SRCAP: variants seen among roughly 807,000 people sequenced by gnomAD.
The protein encoded by SRCAP is Snf2 related CREBBP activator protein.
SRCAP carries 46 observed loss-of-function variants against 263.1 expected under a neutral mutation model. That is an observed-to-expected ratio of 0.17 (90% CI 0.14 to 0.22). The LOEUF is 0.22. Among genes scored for constraint, SRCAP ranks in the 10% least tolerant of loss-of-function variants. SRCAP has a pLI of 1.00. For synonymous variants in SRCAP, 1,813 were observed against 1,662.1 expected (o/e 1.09, Z -2.21); for missense variants, 3,695 against 4,181.9 (o/e 0.88, Z 3.21).
At chr16:30,726,546 A>T (rs1260410584) in intron 25 of SRCAP, among the ~76,000 whole-genome samples, 5 of 147,110 alleles carry the variant, frequency 3.4e-5, no homozygotes, top group Non-Finnish European at 6.0e-5. Context: ...TTTGAGAAGG[A>T]GTCTTGCTCT....
At chr16:30,732,004 G>C (rs924212264) in intron 27 of SRCAP, among the ~76,000 whole-genome samples, 6 of 151,548 alleles carry the variant, frequency 4.0e-5, no homozygotes, top group Non-Finnish European at 7.4e-5. Context: ...AATTAGCCAG[G>C]CGTGGTGACA....
At chr16:30,701,296 G>T (rs2052763423) in intron 3 of SRCAP, 1 of 154,508 alleles carries the variant, frequency 6.5e-6, no homozygotes, top group African/African-American at 2.4e-5. Flanking sequence ...ATCTAGGTGT[G>T]TGTACAGTCA....
At chr16:30,725,310 C>A in intron 25 of SRCAP, 1 of 809,950 alleles carries the variant, frequency 1.2e-6, no homozygotes, top group Non-Finnish European at 1.8e-6. Flanking sequence ...GGTGAGCCAC[C>A]ACGCCCGGCC....
intron 6 of SRCAP, among the ~76,000 whole-genome samples, 158 bp downstream of exon 6, chr16:30,707,870 A>G (rs1283190334): frequency 6.6e-6 from 1 of 152,192 alleles, no homozygotes; most frequent in African/African-American, 2.4e-5. Flanking sequence ...GTGGCAAAAT[A>G]TGGGTCCTGC....
chr16:30,738,252 C>T lies in SRCAP; in HGVS notation c.8212C>T (p.Pro2738Ser). 2 of 1,612,238 alleles carry T rather than the reference C, an allele frequency of 1.2e-6. No individual in the cohort carries two copies. Among genetic ancestry groups the T allele is most frequent in the South Asian group, 1.1e-5 (1 of 90,842 alleles). ...AATTAGGGGTCAAGGGACTGGTCGG[C>T]CAGGACAACCACCAGGCCCCAAAGT... ...VEIRGQGTGR[P>S]GQPPGPKVLR... The change falls in exon 34 of 34, where the codon CCA (proline) becomes TCA (serine). Residue 2738 changes from proline to serine, a missense_variant. Physicochemically the swap from Pro to Ser is moderately conservative, Grantham distance 74. Around this residue, in one of 12 missense-constraint regions of SRCAP, gnomAD observed 1,207 missense variants for 1,142.9 expected, o/e 1.06. Coordinates refer to ENST00000262518, the MANE Select transcript of SRCAP (RefSeq NM_006662.3).
rs773153530 is a variant in SRCAP, at chr16:30,709,692, T to A, written c.813T>A (p.Ala271=). Residue 271 remains alanine, a synonymous_variant, in exon 7 of 34, where the codon GCT becomes GCA. Coordinates refer to ENST00000262518, the MANE Select transcript of SRCAP (RefSeq NM_006662.3). ...CCCCTTGCCTCGGCTCTTCCTCAGC[T>A]GCCTCCAGTCCTCCACCCCCTGCTT... ...GSSPCLGSSS[A]ASSPPPPASR... The A allele has an allele frequency of 5.6e-6, 9 of 1,614,188 alleles. No homozygotes were observed. The highest frequency in any genetic ancestry group is 1.1e-5 in the South Asian group (1 of 91,080).
At position 30,707,310 on chromosome 16, in the gene SRCAP, A is replaced by G. The variant is rs777314994; in HGVS notation, c.434A>G (p.Gln145Arg). Residue 145 changes from glutamine (Q) to arginine (R), a missense_variant, in exon 5 of 34, where the codon CAG (glutamine) becomes CGG (arginine). Gln to Arg is a conservative substitution (Grantham distance 43). Coordinates refer to ENST00000262518, the MANE Select transcript of SRCAP (RefSeq NM_006662.3). The stretch of plus-strand genomic sequence containing the variant: ...TGGGACTATTTGTGCGAAGAGATGC[A>G]GTGGCTCTCTGCTGACTTTGCTCAG... ...GHWDYLCEEM[Q>R]WLSADFAQER... 1 of 1,614,208 alleles carries G rather than the reference A, an allele frequency of 6.2e-7. No individual in the cohort carries two copies. The highest frequency in any genetic ancestry group is 8.5e-7 in the Non-Finnish European group (1 of 1,180,038).
chr16:30,739,515 C>A lies in SRCAP; in HGVS notation c.9475C>A (p.Pro3159Thr), dbSNP rs938236292. ...GCTGGCAAAGCGGGGCCGCCTACAG[C>A]CCCCAAGTCCCCTGGGGCCTGAGGG... ...PGLAKRGRLQ[P>T]PSPLGPEGSV... is the part of the protein sequence containing the mutation. The change falls in exon 34 of 34, where the codon CCC (proline) becomes ACC (threonine). Residue 3159 changes from proline (P) to threonine (T), a missense_variant. Pro to Thr is a conservative substitution (Grantham distance 38). Transcript: ENST00000262518. The A allele has an allele frequency of 6.2e-7, 1 of 1,612,336 alleles. No homozygotes were observed. Among genetic ancestry groups the A allele is most frequent in the Non-Finnish European group, 8.5e-7 (1 of 1,179,308 alleles).
At chr16:30,718,593 T>C (rs1286212337) in intron 18 of SRCAP, among the ~76,000 whole-genome samples, 2 of 151,456 alleles carry the variant, frequency 1.3e-5, no homozygotes, top group Non-Finnish European at 2.9e-5. Context: ...CCTGCCTCAC[T>C]CCCAAGTAAC....
chr16:30,714,375 A>G (rs1362980033), intron 16 of SRCAP, among the ~76,000 whole-genome samples: 2 of 149,740 alleles, frequency 1.3e-5, no homozygotes, highest in Non-Finnish European at 3.0e-5. Context: ...ACGCCCGGCT[A>G]ATTTTTTGTA....
chr16:30,715,383 G>A (rs2052937464), intron 16 of SRCAP, among the ~76,000 whole-genome samples: 1 of 151,404 alleles, frequency 6.6e-6, no homozygotes, highest in Non-Finnish European at 1.5e-5. Flanking sequence ...GGCTAAAATG[G>A]TGAAACCCCG....
At chr16:30,704,357 T>C in intron 4 of SRCAP, 42 bp downstream of exon 4, 1 of 1,539,464 alleles carries the variant, frequency 6.5e-7, no homozygotes, top group Non-Finnish European at 8.8e-7. Flanking sequence ...GGGAGTTATC[T>C]TCCGTAAACT....
At position 30,733,592 on chromosome 16, in the gene SRCAP, T is replaced by C; in HGVS notation, c.6298-10T>C. The C allele has an allele frequency of 6.2e-7, 1 of 1,607,608 alleles. No homozygotes were observed. On this transcript the variant is annotated splice_polypyrimidine_tract_variant and intron_variant, in intron 28 of 33. Transcript: ENST00000262518. This position sits in a 1 kb window ranked among gnomAD's most constrained non-coding sequence, Gnocchi z 5.3. ...CTCCCAGTATCATCTTTTTTTCCCTTTCCTTCTAGGCCTTGATGGAACGGT... is the reference window on the plus strand; with the variant it reads ...CTCCCAGTATCATCTTTTTTTCCCTCTCCTTCTAGGCCTTGATGGAACGGT...
At position 30,724,664 on chromosome 16, in the gene SRCAP, C is replaced by A; in HGVS notation, c.5240C>A (p.Ser1747Tyr). Residue 1747 changes from serine (S) to tyrosine (Y), a missense_variant, in exon 25 of 34, where the codon TCT becomes TAT. Ser to Tyr is a moderately radical substitution (Grantham distance 144). Transcript: ENST00000262518. ...GPPLGPTQTL[S>Y]LAPAPPLAPA... is the part of the protein sequence containing the mutation. ...CCACTGGGTCCAACTCAGACGCTGT[C>A]TCTGGCTCCAGCACCCCCTCTGGCT... The A allele has an allele frequency of 6.2e-7, 1 of 1,614,152 alleles. No homozygotes were observed. Among genetic ancestry groups the A allele is most frequent in the South Asian group, 1.1e-5 (1 of 91,078 alleles).
intron 24 of SRCAP, 67 bp from the exon 25 acceptor site, chr16:30,723,517 G>A: frequency 6.5e-7 from 1 of 1,539,610 alleles, no homozygotes; most frequent in Non-Finnish European, 8.7e-7. Flanking sequence ...GTATGGGAAA[G>A]ATGGGACAGG....
chr16:30,711,461 C>T, intron 10 of SRCAP, 110 bp from the exon 11 acceptor site: 1 of 1,177,642 alleles, frequency 8.5e-7, no homozygotes, highest in Non-Finnish European at 1.2e-6. Flanking sequence ...TCCCCTCAGA[C>T]CTGGGCCTAG....
chr16:30,711,705 G>A lies in SRCAP; in HGVS notation c.1453G>A (p.Ala485Thr), dbSNP rs1284716685. 2.5e-6 allele frequency: 4 copies of A among 1,613,734 alleles called. No individual in the cohort carries two copies. The highest frequency in any genetic ancestry group is 3.4e-6 in the Non-Finnish European group (4 of 1,179,940). Reference sequence around the variant, plus strand: ...CTGTGAACCAGAGGGGCCCGTGGAAGCGGAAGAGCCTCCTCAGGAGGATAG... The same window carrying A: ...CTGTGAACCAGAGGGGCCCGTGGAAACGGAAGAGCCTCCTCAGGAGGATAG... Reference protein sequence around the residue: ...SDCEPEGPVEAEEPPQEDSSS... With the variant: ...SDCEPEGPVETEEPPQEDSSS... The change falls in exon 11 of 34, where the codon GCG becomes ACG. Residue 485 changes from alanine to threonine, a missense_variant. Ala to Thr is a moderately conservative substitution (Grantham distance 58). This residue lies in a region of SRCAP where 288 missense variants were observed against 302.4 expected (regional missense o/e 0.95). Coordinates refer to ENST00000262518, the MANE Select transcript of SRCAP (RefSeq NM_006662.3).
chr16:30,724,251 T>G lies in SRCAP; in HGVS notation c.4827T>G (p.Leu1609=). 6.2e-7 allele frequency: 1 copy of G among 1,614,076 alleles called. No homozygotes were observed. Among genetic ancestry groups the G allele is most frequent in the South Asian group, 1.1e-5 (1 of 91,066 alleles). Reference sequence around the variant, plus strand: ...CTCCAGCTCCTCCTCTGGCTCCTCTTCCGGTCCTGGCACCATCGCCAGGTG... The same window carrying G: ...CTCCAGCTCCTCCTCTGGCTCCTCTGCCGGTCCTGGCACCATCGCCAGGTG... ...APSPAPPLAP[L]PVLAPSPGAA... The change falls in exon 25 of 34, where the codon CTT becomes CTG. Residue 1609 remains leucine, a synonymous_variant. Coordinates refer to ENST00000262518, the MANE Select transcript of SRCAP (RefSeq NM_006662.3).
chr16:30,704,924 C>G (rs1166714540), intron 4 of SRCAP, among the ~76,000 whole-genome samples: 1 of 152,198 alleles, frequency 6.6e-6, no homozygotes, highest in Non-Finnish European at 1.5e-5. Flanking sequence ...TTATTTCTAT[C>G]GTGCAGTCTG....
Sources: allele counts gnomAD v4.1 joint callset (sites outside exome capture counted in the v4.1 genomes callset), GRCh38; gene constraint gnomAD v4.1.1; regional missense constraint gnomAD v4.1.1; non-coding constraint Gnocchi (gnomAD v3.1); transcripts MANE v1.5; gene names NCBI Gene and HGNC (gene_info 2026-07-23, HGNC 2026-07-21).